PRKG1: variants seen among roughly 807,000 people sequenced by gnomAD.
PRKG1 encodes cGMP-dependent protein kinase 1.
Under a neutral mutation model 88.1 loss-of-function variants are expected in PRKG1, and 35 were observed. The observed-to-expected ratio is 0.40, with a 90% CI of 0.30 to 0.53. PRKG1 has a LOEUF of 0.53. PRKG1 is among the 20% of genes least tolerant of loss of function. PRKG1 has a pLI of 0.59. For synonymous variants in PRKG1, 303 were observed against 292.5 expected (o/e 1.04, Z -0.37); for missense variants, 540 against 839.8 (o/e 0.64, Z 4.41).
chr10:51,321,876 T>C (rs1292250742), intron 2 of PRKG1, among the ~76,000 whole-genome samples: 1 of 152,188 alleles, frequency 6.6e-6, no homozygotes, highest in African/African-American at 2.4e-5. Flanking sequence ...GACCCATAGA[T>C]ATATACACTT....
chr10:52,156,435 A>G (rs1036107246), intron 8 of PRKG1, among the ~76,000 whole-genome samples: 4 of 151,868 alleles, frequency 2.6e-5, no homozygotes, highest in African/African-American at 7.2e-5. Flanking sequence ...CATAATCCAC[A>G]GTAGCTTGAA....
At chr10:51,233,352 A>C (rs1205313842) in intron 2 of PRKG1, among the ~76,000 whole-genome samples, 2 of 152,194 alleles carry the variant, frequency 1.3e-5, no homozygotes, top group Non-Finnish European at 2.9e-5. Context: ...GTGCATAACT[A>C]TGACTTGAGA....
intron 2 of PRKG1, among the ~76,000 whole-genome samples, chr10:51,349,454 T>TTGTG (rs34302728): frequency 0.021 from 2,023 of 97,404 alleles, 26 homozygotes; most frequent in Non-Finnish European, 0.03. Context: ...TTCATATTGT[T>TTGTG]TGTGTGTGTG....
chr10:52,023,265 A>G (rs1317401296), intron 5 of PRKG1, among the ~76,000 whole-genome samples: 5 of 152,202 alleles, frequency 3.3e-5, no homozygotes, highest in Admixed American at 1.3e-4. Context: ...TTATGGCTGC[A>G]TAGTATTCCA....
chr10:51,802,689 G>A (rs929808953), intron 3 of PRKG1, among the ~76,000 whole-genome samples: 1 of 152,018 alleles, frequency 6.6e-6, no homozygotes, highest in Non-Finnish European at 1.5e-5. Context: ...ATTTATATAA[G>A]GAAACATGAT....
intron 3 of PRKG1, among the ~76,000 whole-genome samples, chr10:51,597,377 T>A (rs985114520): frequency 2.0e-5 from 3 of 152,182 alleles, no homozygotes; most frequent in Non-Finnish European, 4.4e-5. Context: ...CCCTGACAAC[T>A]GTATGTGGCT....
chr10:51,805,432 T>A (rs946100595), intron 4 of PRKG1, among the ~76,000 whole-genome samples: 4 of 152,026 alleles, frequency 2.6e-5, no homozygotes, highest in African/African-American at 9.7e-5. Context: ...AAAAGAATAT[T>A]GACAATTCTC....
intron 2 of PRKG1, among the ~76,000 whole-genome samples, chr10:51,299,421 G>A (rs1840813503): frequency 6.6e-6 from 1 of 152,060 alleles, no homozygotes; most frequent in African/African-American, 2.4e-5. Context: ...GGCCAGGCTG[G>A]TCTTGAACTC....
At chr10:52,113,679 A>G (rs1048976408) in intron 7 of PRKG1, among the ~76,000 whole-genome samples, 1 of 152,106 alleles carries the variant, frequency 6.6e-6, no homozygotes, top group African/African-American at 2.4e-5. Context: ...TGTGATTAAG[A>G]GCAAAGATGG....
intron 2 of PRKG1, among the ~76,000 whole-genome samples, chr10:51,290,999 C>G (rs1463212891): frequency 2.6e-5 from 4 of 152,140 alleles, no homozygotes; most frequent in Admixed American, 2.6e-4. Flanking sequence ...TTACTTTAAA[C>G]AGTCAATAGT....
chr10:51,576,144 C>T (rs1837879574), intron 3 of PRKG1, among the ~76,000 whole-genome samples: 2 of 151,852 alleles, frequency 1.3e-5, no homozygotes, highest in African/African-American at 4.8e-5. Context: ...CATGGTCACG[C>T]ACTTTGTAGT....
chr10:52,101,282 T>C (rs1301369298), intron 7 of PRKG1, among the ~76,000 whole-genome samples: 1 of 152,148 alleles, frequency 6.6e-6, no homozygotes, highest in African/African-American at 2.4e-5. Flanking sequence ...GAGACAGGTA[T>C]CCGTTGGCCC....
intron 2 of PRKG1, among the ~76,000 whole-genome samples, chr10:51,365,473 C>G (rs994302637): frequency 2.6e-5 from 4 of 151,966 alleles, no homozygotes; most frequent in African/African-American, 9.7e-5. Flanking sequence ...GCTTCCAACT[C>G]TGGGTGCTTG....
chr10:51,788,440 G>A (rs1838784434), intron 3 of PRKG1, among the ~76,000 whole-genome samples: 1 of 152,118 alleles, frequency 6.6e-6, no homozygotes, highest in African/African-American at 2.4e-5. Context: ...ATTTCTTGAT[G>A]TCATCTGCCA....
At chr10:51,839,307 C>T (rs1439780528) in intron 4 of PRKG1, among the ~76,000 whole-genome samples, 1 of 152,192 alleles carries the variant, frequency 6.6e-6, no homozygotes, top group Non-Finnish European at 1.5e-5. Flanking sequence ...TTCAGAGTTT[C>T]ATATTCAAAG....
intron 1 of PRKG1, among the ~76,000 whole-genome samples, chr10:51,141,698 C>A (rs1040742602): frequency 1.3e-5 from 2 of 152,086 alleles, no homozygotes; most frequent in Non-Finnish European, 2.9e-5. Flanking sequence ...TTTTTCTCAA[C>A]CTTCCTTTCT....
chr10:51,547,985 A>T (rs966404374), intron 3 of PRKG1, among the ~76,000 whole-genome samples: 2 of 152,090 alleles, frequency 1.3e-5, no homozygotes, highest in African/African-American at 4.8e-5. Flanking sequence ...AATTTCCCAG[A>T]CCAAAAATAA....
At chr10:51,580,845 A>G (rs1838013275) in intron 3 of PRKG1, among the ~76,000 whole-genome samples, 1 of 152,128 alleles carries the variant, frequency 6.6e-6, no homozygotes, top group Non-Finnish European at 1.5e-5. Context: ...TGATTAAATC[A>G]TCACCTACTT....
chr10:51,652,492 T>C (rs531942662), intron 3 of PRKG1, among the ~76,000 whole-genome samples: 1 of 152,122 alleles, frequency 6.6e-6, no homozygotes, highest in African/African-American at 2.4e-5. Context: ...CCAGATACTT[T>C]GGAGGGAACA....
Sources: gnomAD v4.1 joint callset for allele counts (sites outside exome capture counted in the v4.1 genomes callset) on GRCh38, gnomAD v4.1.1 for gene constraint, MANE v1.5 for transcripts, NCBI Gene and HGNC (gene_info 2026-07-23, HGNC 2026-07-21) for gene names.